Variants in SHOC2 observed in about 807,000 individuals in gnomAD.
The protein encoded by SHOC2 is leucine-rich repeat protein SHOC-2.
In SHOC2, 4 loss-of-function variants were observed where a neutral mutation model predicts 50.2. The observed-to-expected ratio is 0.08, with a 90% CI of 0.04 to 0.18. SHOC2 has a LOEUF of 0.18. Among genes scored for constraint, SHOC2 ranks in the 10% least tolerant of loss-of-function variants. The pLI, the probability that SHOC2 is intolerant of heterozygous loss-of-function variation, is 1.00. For missense variants in SHOC2, 388 were observed against 669.6 expected (o/e 0.58, Z 4.64); for synonymous variants, 218 against 244.5 (o/e 0.89, Z 1.01).
chr10:110,947,096 C>T (rs933073954), intron 1 of SHOC2, among the ~76,000 whole-genome samples: 7 of 152,154 alleles, frequency 4.6e-5, no homozygotes, highest in Non-Finnish European at 1.0e-4. Flanking sequence ...AATTGTTTCA[C>T]CCCTTCCCAA....
At chr10:110,940,728 G>T (rs993878947) in intron 1 of SHOC2, among the ~76,000 whole-genome samples, 1 of 151,968 alleles carries the variant, frequency 6.6e-6, no homozygotes, top group African/African-American at 2.4e-5. Context: ...CTTTAATTTA[G>T]ATTTTTTCTT....
intron 2 of SHOC2, among the ~76,000 whole-genome samples, chr10:110,965,574 A>G (rs1847657924): frequency 6.6e-6 from 1 of 152,134 alleles, no homozygotes; most frequent in South Asian, 2.1e-4. Flanking sequence ...TTTTTTTTGC[A>G]TCTTGAAAGT....
chr10:110,957,101 A>G lies in SHOC2; in HGVS notation c.-234-7024A>G, dbSNP rs73343887. Among the ~76,000 whole-genome samples, 779 of 152,294 alleles carry G rather than the reference A, an allele frequency of 5.1e-3. 6 individuals are homozygous for G. Among genetic ancestry groups the G allele is most frequent in the African/African-American group, 0.017 (713 of 41,556 alleles). Reference sequence around the variant, plus strand: ...CTTCCTGTAATTTGCTGATCTTTGTATTTAAGTTTGGAAATAGCAATATTC... The same window carrying G: ...CTTCCTGTAATTTGCTGATCTTTGTGTTTAAGTTTGGAAATAGCAATATTC... On this transcript the variant is annotated intron_variant, in intron 1 of 8. Transcript: ENST00000369452.
At chr10:111,007,728 A>G in intron 6 of SHOC2, 75 bp downstream of exon 6, 1 of 1,434,630 alleles carries the variant, frequency 7.0e-7, no homozygotes, top group Non-Finnish European at 9.8e-7. Flanking sequence ...AAATTTAAAT[A>G]AGCAATTTCT....
intron 3 of SHOC2, among the ~76,000 whole-genome samples, chr10:110,999,770 A>T (rs1348258095): frequency 6.6e-6 from 1 of 151,042 alleles, no homozygotes; most frequent in Non-Finnish European, 1.5e-5. Context: ...GAAAGAAAAG[A>T]AAAGAAAGTG....
chr10:110,946,479 A>C (rs1380885590), intron 1 of SHOC2, among the ~76,000 whole-genome samples: 2 of 151,564 alleles, frequency 1.3e-5, no homozygotes, highest in African/African-American at 4.9e-5. Context: ...CAAAATAAAT[A>C]AGTAAATATA....
chr10:111,006,401 C>G (rs11195401), intron 5 of SHOC2, among the ~76,000 whole-genome samples: 3 of 152,120 alleles, frequency 2.0e-5, no homozygotes, highest in African/African-American at 7.2e-5. Flanking sequence ...GACGGAGTCT[C>G]GCTCTGTCAC....
At chr10:110,919,419 A>G (rs1846551234), upstream of SHOC2, 1 of 391,478 alleles carries the variant, frequency 2.6e-6, no homozygotes, top group African/African-American at 2.1e-5. Flanking sequence ...CCCGTCTCTG[A>G]TTGGGCAGCT....
rs1846874056 is a variant in SHOC2 at position 110,930,610 on chromosome 10, T to A, written c.-235+10953T>A. On this transcript the variant is annotated intron_variant, in intron 1 of 8. Coordinates refer to ENST00000369452, the MANE Select transcript of SHOC2 (RefSeq NM_007373.4). The stretch of plus-strand genomic sequence containing the variant: ...CACTGGTAATTAAATAGCCTTTTTT[T>A]TAAAATTGCCAGTTTGCATGGGAAA... Among the ~76,000 whole-genome samples the A allele has an allele frequency of 1.3e-5, 2 of 152,128 alleles. 1 individual carries two copies. Among genetic ancestry groups the A allele is most frequent in the South Asian group, 4.1e-4 (2 of 4,836 alleles).
intron 2 of SHOC2, among the ~76,000 whole-genome samples, chr10:110,982,020 A>T (rs1006504310): frequency 1.1e-5 from 1 of 94,558 alleles, no homozygotes; most frequent in Non-Finnish European, 2.0e-5. Flanking sequence ...CCCACCCCAC[A>T]ACAGTCCCCA....
At chr10:110,943,077 T>C (rs1422695020) in intron 1 of SHOC2, among the ~76,000 whole-genome samples, 1 of 152,208 alleles carries the variant, frequency 6.6e-6, no homozygotes, top group East Asian at 1.9e-4. Context: ...TCTTTGAATT[T>C]ATCTTCCTCG....
chr10:110,987,010 G>A (rs2134150933), intron 3 of SHOC2, among the ~76,000 whole-genome samples: 1 of 152,302 alleles, frequency 6.6e-6, no homozygotes, highest in South Asian at 2.1e-4. Context: ...CTGGTAGGGT[G>A]CAGCTCTAGA....
At chr10:110,937,374 T>C in intron 1 of SHOC2, 1 of 596,664 alleles carries the variant, frequency 1.7e-6, no homozygotes. Context: ...CTGACTGTCA[T>C]GTAATTTACA....
chr10:111,006,238 C>A lies in SHOC2; in HGVS notation c.1162-1293C>A, dbSNP rs368100943. ...AGATAGGTACTAAGCTTAAATATTA[C>A]ATAGATAACAAGTTTAAATATTACA... On this transcript the variant is annotated intron_variant, in intron 5 of 8. Transcript: ENST00000369452. Among the ~76,000 whole-genome samples the A allele has an allele frequency of 3.2e-3, 485 of 152,298 alleles. 26 individuals carry two copies. The South Asian group carries it at 0.092, about 29-fold the overall frequency.
intron 2 of SHOC2, 76 bp from the exon 3 acceptor site, chr10:110,985,552 A>G: frequency 9.1e-7 from 1 of 1,100,016 alleles, no homozygotes; most frequent in Non-Finnish European, 1.4e-6. Flanking sequence ...TTATAGATTT[A>G]TTTTCTTGCT....
At chr10:110,950,159 C>T (rs1262160996) in intron 1 of SHOC2, among the ~76,000 whole-genome samples, 4 of 151,970 alleles carry the variant, frequency 2.6e-5, no homozygotes, top group East Asian at 1.9e-4. Flanking sequence ...CTAAGGACTC[C>T]GCCAAAAATG....
Position 110,953,559 on chromosome 10 carries a change from A to T in SHOC2, c.-234-10566A>T, listed in dbSNP as rs78771733. Reference sequence around the variant, plus strand: ...TTGAAAGACATCTTGGTTGCCTCTAAGTTTGGGCAATTATAAAGCTGCCAT... The same window carrying T: ...TTGAAAGACATCTTGGTTGCCTCTATGTTTGGGCAATTATAAAGCTGCCAT... On this transcript the variant is annotated intron_variant, in intron 1 of 8. Transcript: ENST00000369452. Among the ~76,000 whole-genome samples, 176 of 152,286 alleles carry T rather than the reference A, an allele frequency of 1.2e-3. 3 individuals are homozygous for T. In the East Asian group the frequency reaches 0.03, roughly 26 times the overall value.
chr10:110,919,489 G>C (rs1424858565), upstream of SHOC2: 1 of 392,478 alleles, frequency 2.5e-6, no homozygotes, highest in African/African-American at 2.1e-5. Flanking sequence ...CACGGCAGAG[G>C]GGTGGGGCGG....
At chr10:110,997,184 A>T (rs761762116) in intron 3 of SHOC2, among the ~76,000 whole-genome samples, 1 of 152,362 alleles carries the variant, frequency 6.6e-6, no homozygotes, top group Admixed American at 6.5e-5. Context: ...ATATACTATT[A>T]AAAACATGTA....
Sources: gnomAD v4.1 joint callset for allele counts (sites outside exome capture counted in the v4.1 genomes callset) on GRCh38, gnomAD v4.1.1 for gene constraint, MANE v1.5 for transcripts, NCBI Gene and HGNC (gene_info 2026-07-23, HGNC 2026-07-21) for gene names.